KDM7A: variants seen among roughly 807,000 people sequenced by gnomAD.
The protein encoded by KDM7A is lysine demethylase 7A.
A neutral mutation model predicts 114.8 loss-of-function variants in KDM7A; 28 were observed. The observed-to-expected ratio is 0.24, with a 90% CI of 0.18 to 0.33. The LOEUF is 0.33. KDM7A is among the 10% of genes least tolerant of loss of function. The probability of loss-of-function intolerance (pLI) is 1.00; values close to 1 mark genes in which losing one functional copy is unlikely to be tolerated. For missense variants in KDM7A, 942 were observed against 1,142.5 expected (o/e 0.82, Z 2.53); for synonymous variants, 423 against 397.8 (o/e 1.06, Z -0.75).
chr7:140,147,761 A>AACTGGTCTC (rs1201650426), intron 1 of KDM7A, among the ~76,000 whole-genome samples: 1 of 152,194 alleles, frequency 6.6e-6, no homozygotes, highest in African/African-American at 2.4e-5. Context: ...AGAGACAGCT[A>AACTGGTCTC]TAGGAGAGGC....
chr7:140,148,209 C>T (rs1794360531), intron 1 of KDM7A, among the ~76,000 whole-genome samples: 1 of 146,546 alleles, frequency 6.8e-6, no homozygotes, highest in Non-Finnish European at 1.5e-5. Context: ...ACTCAAATGG[C>T]TATGCTTCAA....
At chr7:140,139,061 G>T in intron 2 of KDM7A, 44 bp downstream of exon 2, 1 of 1,305,650 alleles carries the variant, frequency 7.7e-7, no homozygotes, top group Non-Finnish European at 1.1e-6. Context: ...TGAAATGTCA[G>T]TTTTTCTGAA....
At chr7:140,111,067 G>A (rs757928347) in intron 11 of KDM7A, 28 bp downstream of exon 11, 3 of 1,218,792 alleles carry the variant, frequency 2.5e-6, no homozygotes, top group Non-Finnish European at 3.6e-6. Context: ...TAATAATCAA[G>A]CATTTACATG....
rs780005421 is a variant in KDM7A, at chr7:140,096,772, G to C, written c.2166-9C>G. On this transcript the variant is annotated splice_polypyrimidine_tract_variant and intron_variant, in intron 16 of 19. Coordinates refer to ENST00000397560, the MANE Select transcript of KDM7A (RefSeq NM_030647.2). ...TCGAGGTAGGACATTCCCTAAAGAA[G>C]AGATGATCCAAAAACACAAGAGTCT... 5.0e-6 allele frequency: 8 copies of C among 1,610,318 alleles called. No individual in the cohort carries two copies. Among genetic ancestry groups the C allele is most frequent in the Middle Eastern group, 3.3e-4 (2 of 6,036 alleles).
chr7:140,149,302 G>A (rs747853996), intron 1 of KDM7A, among the ~76,000 whole-genome samples: 13 of 152,152 alleles, frequency 8.5e-5, no homozygotes, highest in Non-Finnish European at 1.8e-4. Flanking sequence ...GATTTGTATG[G>A]TGATACATTA....
intron 1 of KDM7A, among the ~76,000 whole-genome samples, chr7:140,158,528 C>T (rs935843624): frequency 5.9e-5 from 9 of 152,134 alleles, no homozygotes; most frequent in African/African-American, 1.4e-4. Flanking sequence ...GGGAGGGAGT[C>T]GTGGGGTTTC....
In KDM7A at chr7:140,126,795, T is replaced by C. The variant is rs1277608437; in HGVS notation, c.730A>G (p.Ile244Val). The change falls in exon 6 of 20, where the codon ATA (isoleucine) becomes GTA (valine). Residue 244 changes from isoleucine to valine, a missense_variant. Ile to Val is a conservative substitution (Grantham distance 29, BLOSUM62 3). Transcript: ENST00000397560. Reference protein sequence around the residue: ...KMSELVEVPDIAKKLSWVENY... With the variant: ...KMSELVEVPDVAKKLSWVENY... ...TCCACCCAGGAAAGTTTTTTGGCTA[T>C]ATCAGGGACCTCCACCAATTCAGAC... The C allele has an allele frequency of 3.1e-6, 5 of 1,613,926 alleles. No individual in the cohort carries two copies. Among genetic ancestry groups the C allele is most frequent in the South Asian group, 1.1e-5 (1 of 91,062 alleles).
chr7:140,128,167 A>G (rs1818735203), intron 4 of KDM7A, among the ~76,000 whole-genome samples: 1 of 152,216 alleles, frequency 6.6e-6, no homozygotes. Flanking sequence ...CATTAGTACC[A>G]GTGTCCGAAG....
chr7:140,152,488 G>A (rs1794411635), intron 1 of KDM7A, among the ~76,000 whole-genome samples: 1 of 152,056 alleles, frequency 6.6e-6, no homozygotes. Context: ...GCTGGCCGTG[G>A]TGGGACACAC....
At chr7:140,168,756 T>C (rs550563590) in intron 1 of KDM7A, among the ~76,000 whole-genome samples, 5 of 152,300 alleles carry the variant, frequency 3.3e-5, no homozygotes, top group African/African-American at 9.6e-5. Flanking sequence ...ACACAAATAC[T>C]GTAATCTAGC....
chr7:140,128,900 AG>A (rs1818747459), intron 4 of KDM7A, among the ~76,000 whole-genome samples: 1 of 152,236 alleles, frequency 6.6e-6, no homozygotes, highest in Non-Finnish European at 1.5e-5. Context: ...CAACATGGCA[AG>A]GGGTATAGGG....
intron 11 of KDM7A, among the ~76,000 whole-genome samples, chr7:140,108,953 C>T (rs1308912220): frequency 6.6e-6 from 1 of 152,188 alleles, no homozygotes. Flanking sequence ...CATTTACCTA[C>T]TCAAGCCTCA....
chr7:140,153,080 G>A (rs903888135), intron 1 of KDM7A, among the ~76,000 whole-genome samples: 14 of 151,698 alleles, frequency 9.2e-5, no homozygotes, highest in African/African-American at 2.7e-4. Flanking sequence ...GGAAGGTCTC[G>A]ATCTCCTGAC....
At chr7:140,132,295 T>A (rs575695975) in intron 3 of KDM7A, among the ~76,000 whole-genome samples, 2 of 152,210 alleles carry the variant, frequency 1.3e-5, no homozygotes, top group African/African-American at 4.8e-5. Flanking sequence ...TGATCATCTC[T>A]ATAACCCGTT....
chr7:140,103,707 T>A (rs1013601228), intron 11 of KDM7A, among the ~76,000 whole-genome samples: 4 of 152,228 alleles, frequency 2.6e-5, no homozygotes, highest in Non-Finnish European at 5.9e-5. Context: ...ATCCAGTCTA[T>A]CATTGATGGA....
At chr7:140,092,818 T>C (rs1818043769) in intron 18 of KDM7A, among the ~76,000 whole-genome samples, 3 of 152,216 alleles carry the variant, frequency 2.0e-5, no homozygotes, top group Admixed American at 1.3e-4. Context: ...ATTTAAATAA[T>C]AGCTCAAATT....
intron 10 of KDM7A, 27 bp downstream of exon 10, chr7:140,113,449 TGTGGCATAAAACACA>T (rs11271275): frequency 0.17 from 208,965 of 1,214,044 alleles, 20,309 homozygotes; most frequent in East Asian, 0.35. Context: ...TTCCTAATCT[TGTGGCATAAAACACA>T]GTGATTTCAC....
At chr7:140,114,193 T>C (rs1378568817) in intron 9 of KDM7A, among the ~76,000 whole-genome samples, 1 of 152,054 alleles carries the variant, frequency 6.6e-6, no homozygotes, top group East Asian at 1.9e-4. Flanking sequence ...CCCCTCCCCT[T>C]TCCACGGTCT....
At chr7:140,115,140 C>G (rs909010904) in intron 9 of KDM7A, among the ~76,000 whole-genome samples, 2 of 151,376 alleles carry the variant, frequency 1.3e-5, no homozygotes, top group Non-Finnish European at 3.0e-5. Context: ...GGGCCAGCCC[C>G]CGGCCAGCCA....
Sources: allele counts gnomAD v4.1 joint callset (sites outside exome capture counted in the v4.1 genomes callset), GRCh38; gene constraint gnomAD v4.1.1; transcripts MANE v1.5; gene names NCBI Gene and HGNC (gene_info 2026-07-23, HGNC 2026-07-21).